The following SMOC2 variants were observed in gnomAD, a reference collection of about 807,000 sequenced individuals.
SMOC2 encodes the protein SPARC-related modular calcium-binding protein 2.
A neutral mutation model predicts 61.4 loss-of-function variants in SMOC2; 39 were observed. The observed-to-expected ratio is 0.64, with a 90% CI of 0.49 to 0.83. SMOC2 has a LOEUF of 0.83. Among genes scored for constraint, SMOC2 ranks in the 40% least tolerant of loss-of-function variants. The pLI is 0.00. For synonymous variants in SMOC2, 247 were observed against 239.9 expected, an observed-to-expected ratio of 1.03 and a Z score of -0.27; for missense variants, 556 against 592.9, an observed-to-expected ratio of 0.94 and a Z score of 0.65.
At chr6:168,551,229 C>T (rs1278946160) in intron 7 of SMOC2, among the ~76,000 whole-genome samples, 1 of 152,134 alleles carries the variant, frequency 6.6e-6, no homozygotes, top group East Asian at 1.9e-4. Flanking sequence ...CCTGAGGCCT[C>T]CCCAGCAATG....
intron 1 of SMOC2, among the ~76,000 whole-genome samples, chr6:168,465,579 ACTT>A (rs1781809735): frequency 1.3e-5 from 2 of 152,008 alleles, no homozygotes; most frequent in South Asian, 2.1e-4. Context: ...TAAAAATGCT[ACTT>A]CTTTTTTTTT....
intron 10 of SMOC2, among the ~76,000 whole-genome samples, chr6:168,651,838 C>T (rs1445712914): frequency 2.6e-5 from 4 of 152,124 alleles, no homozygotes; most frequent in East Asian, 3.9e-4. Context: ...GTCAGGAGTT[C>T]GAGACCAGCC....
chr6:168,541,759 A>C (rs1783882139), intron 4 of SMOC2, among the ~76,000 whole-genome samples: 1 of 152,158 alleles, frequency 6.6e-6, no homozygotes, highest in Non-Finnish European at 1.5e-5. Context: ...ATCATCTCTT[A>C]CATATGAAGA....
intron 1 of SMOC2, among the ~76,000 whole-genome samples, chr6:168,505,987 TA>T (rs1462413944): frequency 6.6e-6 from 1 of 151,084 alleles, no homozygotes; most frequent in Admixed American, 6.6e-5. Flanking sequence ...CTTGGCCTAT[TA>T]TTTGGAAAGT....
chr6:168,538,825 A>G (rs966863191), intron 4 of SMOC2, among the ~76,000 whole-genome samples: 5 of 151,272 alleles, frequency 3.3e-5, no homozygotes, highest in Admixed American at 6.6e-5. Flanking sequence ...CCCTGCTGGA[A>G]TCTGGGGGAG....
chr6:168,441,378 T>C lies in SMOC2; in HGVS notation c.8T>C (p.Leu3Pro), dbSNP rs747543999. ML[L>P]PQLCWLPLLA... The stretch of plus-strand genomic sequence containing the variant: ...CCCGCCACCTCCGCCACCATGCTGC[T>C]CCCCCAGCTCTGCTGGCTGCCGCTG... Residue 3 changes from leucine to proline, a missense_variant, in exon 1 of 13, where the codon CTC (leucine) becomes CCC (proline). Physicochemically the swap from Leu to Pro is moderately conservative, Grantham distance 98. Coordinates refer to ENST00000356284, the MANE Select transcript of SMOC2 (RefSeq NM_001166412.2). The C allele has an allele frequency of 4.0e-6, 6 of 1,505,544 alleles. No individual in the cohort carries two copies. The highest frequency in any genetic ancestry group is 4.4e-6 in the Non-Finnish European group (5 of 1,132,852). 93.3% of individuals were successfully genotyped at this position (1,505,544 alleles called of 1,614,324 possible).
At chr6:168,584,425 A>G (rs1784998744) in intron 7 of SMOC2, among the ~76,000 whole-genome samples, 1 of 152,218 alleles carries the variant, frequency 6.6e-6, no homozygotes, top group African/African-American at 2.4e-5. Flanking sequence ...ACTTGCATAG[A>G]TAAAGCCAAA....
intron 9 of SMOC2, among the ~76,000 whole-genome samples, chr6:168,622,293 AG>A (rs1439840940): frequency 1.3e-5 from 2 of 152,040 alleles, no homozygotes; most frequent in African/African-American, 4.8e-5. Flanking sequence ...TTTGAAGCAA[AG>A]AATGGAACAA....
chr6:168,452,870 GGAGGCTGACAC>G lies in SMOC2; in HGVS notation c.84+11426_84+11436del, dbSNP rs1413349574. 6.6e-6 allele frequency among the ~76,000 whole-genome samples: 1 copy of G among 152,242 alleles called. No individual in the cohort carries two copies. The highest frequency in any genetic ancestry group is 1.5e-5 in the Non-Finnish European group (1 of 68,048). ...GAGGCTTTTGTCCTGCTCTGCTCCT[GGAGGCTGACAC>G]GAGGCTGACTCCCAGGCCACACTCT... On this transcript the variant is annotated intron_variant, in intron 1 of 12. Transcript: ENST00000356284. The surrounding 1 kb of genome is among the most constrained non-coding windows in gnomAD (Gnocchi z 5.0).
At chr6:168,591,855 TA>T (rs1376588468) in intron 7 of SMOC2, among the ~76,000 whole-genome samples, 4 of 152,136 alleles carry the variant, frequency 2.6e-5, no homozygotes, top group African/African-American at 2.4e-5. Context: ...TCTAATATAT[TA>T]AAATGGAATA....
chr6:168,665,615 A>G (rs896439452), intron 12 of SMOC2, among the ~76,000 whole-genome samples: 2 of 152,280 alleles, frequency 1.3e-5, no homozygotes, highest in African/African-American at 4.8e-5. Flanking sequence ...CTGATATTAA[A>G]TAAGTTAAAA....
At chr6:168,482,013 A>G (rs952539096) in intron 1 of SMOC2, among the ~76,000 whole-genome samples, 12 of 152,018 alleles carry the variant, frequency 7.9e-5, no homozygotes, top group African/African-American at 2.4e-4. Flanking sequence ...ACCTAAAGCT[A>G]GCAGAAGGAA....
chr6:168,631,805 T>A (rs1447429772), intron 9 of SMOC2, among the ~76,000 whole-genome samples: 1 of 152,200 alleles, frequency 6.6e-6, no homozygotes, highest in Admixed American at 6.5e-5. Flanking sequence ...CCTTTGATTA[T>A]GTGTCCAGGT....
chr6:168,518,386 T>C (rs999035547), intron 2 of SMOC2, among the ~76,000 whole-genome samples: 3 of 140,064 alleles, frequency 2.1e-5, no homozygotes, highest in African/African-American at 8.7e-5. Context: ...ATTGTGTGCA[T>C]GTGTGATTGT....
intron 10 of SMOC2, among the ~76,000 whole-genome samples, chr6:168,652,494 C>A (rs1787220605): frequency 6.6e-6 from 1 of 152,220 alleles, no homozygotes; most frequent in African/African-American, 2.4e-5. Context: ...TTGAACCTAA[C>A]ATAATCCAAG....
At position 168,538,262 on chromosome 6, in the gene SMOC2, G is replaced by C. The variant is rs544899544; in HGVS notation, c.464-5363G>C. On this transcript the variant is annotated intron_variant, in intron 4 of 12. Coordinates refer to ENST00000356284, the MANE Select transcript of SMOC2 (RefSeq NM_001166412.2). ...CGGGGTGGCCCCTGCTGGAATCTGG[G>C]GCAGTGGGGTGACCCCTGCTGGAAT... is the stretch of plus-strand genomic sequence containing the variant. Among the ~76,000 whole-genome samples, 14 of 147,436 alleles carry C rather than the reference G, an allele frequency of 9.5e-5. No homozygotes were observed. The East Asian group carries it at 2.7e-3, about 29-fold the overall frequency.
chr6:168,456,984 C>T lies in SMOC2; in HGVS notation c.84+15530C>T, dbSNP rs9455648. Among the ~76,000 whole-genome samples the T allele has an allele frequency of 4.1e-3, 626 of 152,252 alleles. 5 individuals are homozygous for T. Among genetic ancestry groups the T allele is most frequent in the African/African-American group, 0.014 (585 of 41,550 alleles). On this transcript the variant is annotated intron_variant, in intron 1 of 12. Transcript: ENST00000356284. ...GCTGCAGGGTTTTGAAGAAGCTGCT[C>T]GGGACAAGCATGCACACGCTCATGT...
At chr6:168,664,272 C>T in intron 12 of SMOC2, 161 bp downstream of exon 12, 1 of 674,250 alleles carries the variant, frequency 1.5e-6, no homozygotes, top group Non-Finnish European at 2.6e-6. Flanking sequence ...CCTATGGGGA[C>T]TAAAGCAGCC....
intron 1 of SMOC2, among the ~76,000 whole-genome samples, chr6:168,457,184 C>T (rs749240749): frequency 3.9e-5 from 6 of 152,212 alleles, no homozygotes; most frequent in African/African-American, 9.6e-5. Context: ...TCCTCTGGAC[C>T]GTCCACGAGG....
Sources: allele counts gnomAD v4.1 joint callset (sites outside exome capture counted in the v4.1 genomes callset), GRCh38; gene constraint gnomAD v4.1.1; non-coding constraint Gnocchi (gnomAD v3.1); transcripts MANE v1.5; gene names NCBI Gene and HGNC (gene_info 2026-07-23, HGNC 2026-07-21).